The following STX3 variants were observed in gnomAD, a reference collection of about 807,000 sequenced individuals.
STX3 encodes the protein syntaxin 3, also known as syntaxin-3.
STX3 carries 19 observed loss-of-function variants against 40.2 expected under a neutral mutation model. The ratio of observed to expected loss-of-function variants is 0.47; its 90% CI spans 0.33 to 0.69. The LOEUF (loss-of-function observed/expected upper bound fraction) is 0.69. STX3 is among the 30% of genes least tolerant of loss of function. The probability of loss-of-function intolerance (pLI) is 0.02; values close to 1 mark genes in which losing one functional copy is unlikely to be tolerated. For missense variants in STX3, 364 were observed against 366.7 expected (o/e 0.99, Z 0.06); for synonymous variants, 122 against 132.2 (o/e 0.92, Z 0.53).
At chr11:59,774,426 G>A (rs1863839033) in intron 2 of STX3, among the ~76,000 whole-genome samples, 1 of 147,572 alleles carries the variant, frequency 6.8e-6, no homozygotes, top group Non-Finnish European at 1.5e-5. Flanking sequence ...GCAACAGAGT[G>A]AGACCTTGTC....
In STX3 at chr11:59,766,584, A is replaced by G. The variant is rs372482535; in HGVS notation, c.31-6627A>G. On this transcript the variant is annotated intron_variant, in intron 1 of 10. Transcript: ENST00000337979. ...GTTTCCTGGGTTTCCGCAAATCTGC[A>G]CTGGAAAGCCAAGCCCCTCCTTAAT... 7.9e-5 allele frequency among the ~76,000 whole-genome samples: 12 copies of G among 152,150 alleles called. No individual in the cohort carries two copies. In the East Asian group the frequency reaches 1.7e-3, roughly 22 times the overall value.
rs1258541584 is a variant in STX3 at position 59,805,467 on chromosome 11, C to A, written c.*4643C>A. The stretch of plus-strand genomic sequence containing the variant: ...ATATTTTGGTCAGTGCTGTTTTCTA[C>A]CCACCTTCAAAAGCCAATGGTTTGA... On this transcript the variant is annotated 3_prime_UTR_variant, in exon 11 of 11. Transcript: ENST00000337979. The A allele has an allele frequency of 6.6e-6, 1 of 152,158 alleles. No homozygotes were observed. Among genetic ancestry groups the A allele is most frequent in the Non-Finnish European group, 1.5e-5 (1 of 68,028 alleles). 9.4% of individuals were successfully genotyped at this position (152,158 alleles called of 1,614,324 possible).
At position 59,800,858 on chromosome 11, in the gene STX3, C is replaced by T; in HGVS notation, c.*34C>T. The T allele has an allele frequency of 6.5e-7, 1 of 1,536,424 alleles. No homozygotes were observed. The highest frequency in any genetic ancestry group is 8.7e-7 in the Non-Finnish European group (1 of 1,146,914). ...TCCTCCTTTCCCTGCCTCCTAGAAA[C>T]TGATTTCACTCCAGACTGGTGTGGC... On this transcript the variant is annotated 3_prime_UTR_variant, in exon 11 of 11. Transcript: ENST00000337979.
rs555639438 is a variant in STX3 at position 59,771,553 on chromosome 11, T to C, written c.31-1658T>C. Among the ~76,000 whole-genome samples, 9 of 152,184 alleles carry C rather than the reference T, an allele frequency of 5.9e-5. No individual in the cohort carries two copies. In the East Asian group the frequency reaches 1.7e-3, roughly 29 times the overall value. On this transcript the variant is annotated intron_variant, in intron 1 of 10. Coordinates refer to ENST00000337979, the MANE Select transcript of STX3 (RefSeq NM_004177.5). ...TTTTAACTTTTGCATGCGGGAGCCA[T>C]GCCCAGGTCAGGCATACAGAGGTTG...
At chr11:59,773,474 A>G (rs1285898328) in intron 2 of STX3, among the ~76,000 whole-genome samples, 180 bp downstream of exon 2, 1 of 152,210 alleles carries the variant, frequency 6.6e-6, no homozygotes, top group Non-Finnish European at 1.5e-5. Flanking sequence ...TTGAATCTGG[A>G]TTTTTAAAAA....
intron 1 of STX3, among the ~76,000 whole-genome samples, chr11:59,757,413 T>A (rs896536685): frequency 6.6e-6 from 1 of 152,180 alleles, no homozygotes; most frequent in African/African-American, 2.4e-5. Context: ...ATGGCCCCTT[T>A]CAGTAGCTCA....
In STX3 at chr11:59,801,639, A is replaced by T. The variant is rs528967690; in HGVS notation, c.*815A>T. ...AGACTATTGTCTTGGGGCCAAAAAT[A>T]ATCAGGGATTTTAAATTGGGCAAGG... On this transcript the variant is annotated 3_prime_UTR_variant, in exon 11 of 11. Coordinates refer to ENST00000337979, the MANE Select transcript of STX3 (RefSeq NM_004177.5). The T allele has an allele frequency of 1.0e-6, 1 of 985,684 alleles. No individual in the cohort carries two copies. Among genetic ancestry groups the T allele is most frequent in the Admixed American group, 6.1e-5 (1 of 16,282 alleles). 61.1% of individuals were successfully genotyped at this position (985,684 alleles called of 1,614,324 possible).
intron 2 of STX3, among the ~76,000 whole-genome samples, chr11:59,784,284 A>G (rs774596710): frequency 6.6e-6 from 1 of 152,240 alleles, no homozygotes; most frequent in Non-Finnish European, 1.5e-5. Context: ...GTTAAAATTT[A>G]AAATTTGATA....
intron 1 of STX3, 24 bp from the exon 2 acceptor site, chr11:59,773,187 T>C: frequency 1.2e-6 from 2 of 1,612,804 alleles, no homozygotes; most frequent in Non-Finnish European, 1.7e-6. Flanking sequence ...TTAGCCTCAC[T>C]CTGCTCTTTT....
At chr11:59,782,660 A>G (rs973794912) in intron 2 of STX3, among the ~76,000 whole-genome samples, 3 of 152,040 alleles carry the variant, frequency 2.0e-5, no homozygotes, top group African/African-American at 7.3e-5. Context: ...CTTAAATCCT[A>G]TATTATCTGG....
At chr11:59,794,113 A>G (rs1486627609) in intron 8 of STX3, among the ~76,000 whole-genome samples, 11 of 150,996 alleles carry the variant, frequency 7.3e-5, no homozygotes, top group Non-Finnish European at 1.6e-4. Flanking sequence ...TTTTTTTTTA[A>G]TTTTGGCACC....
chr11:59,790,435 G>A (rs994346734), intron 4 of STX3, 84 bp from the exon 5 acceptor site: 71 of 1,075,110 alleles, frequency 6.6e-5, no homozygotes, highest in Non-Finnish European at 9.6e-5. Context: ...TGGATGTGTG[G>A]GAATGAGTGA....
intron 2 of STX3, among the ~76,000 whole-genome samples, chr11:59,786,218 G>C (rs1350619080): frequency 6.7e-6 from 1 of 148,398 alleles, no homozygotes; most frequent in African/African-American, 2.5e-5. Context: ...TTCTCTCCTT[G>C]TTTTCTTTAT....
intron 1 of STX3, among the ~76,000 whole-genome samples, chr11:59,759,216 T>C (rs554109203): frequency 3.9e-5 from 6 of 152,352 alleles, no homozygotes; most frequent in African/African-American, 1.4e-4. Flanking sequence ...TGGGTTTTTC[T>C]ATTATTCTCA....
intron 10 of STX3, chr11:59,800,402 G>A (rs1407258604): frequency 1.0e-6 from 1 of 985,380 alleles, no homozygotes; most frequent in Non-Finnish European, 1.2e-6. Context: ...ATAAGGTGGA[G>A]CAGCCATAAT....
intron 9 of STX3, 29 bp from the exon 10 acceptor site, chr11:59,797,254 A>C (rs1865577843): frequency 6.3e-7 from 1 of 1,576,816 alleles, no homozygotes; most frequent in African/African-American, 1.4e-5. Flanking sequence ...TGTAATAATG[A>C]TTTGTTTTTG....
rs17511686 is a variant in STX3, at chr11:59,802,411, A to G, written c.*1587A>G. The G allele has an allele frequency of 0.043, 42,834 of 985,760 alleles. 1,008 individuals are homozygous for G. The highest frequency in any genetic ancestry group is 0.049 in the African/African-American group (2,792 of 57,336). 61.1% of individuals were successfully genotyped at this position (985,760 alleles called of 1,614,324 possible). A position where few individuals can be genotyped will look rare whatever the true frequency, so the allele number is the denominator to read the frequency against. ...TAGGGTAAGCACCCTTAATTCAGGC[A>G]CTGTCCATTAGCTTCCTTTGCAAAG... is the stretch of plus-strand genomic sequence containing the variant. On this transcript the variant is annotated 3_prime_UTR_variant, in exon 11 of 11. Transcript: ENST00000337979.
rs547232776 is a variant in STX3, at chr11:59,772,760, A to G, written c.31-451A>G. Among the ~76,000 whole-genome samples, 31 of 152,294 alleles carry G rather than the reference A, an allele frequency of 2.0e-4. 1 individual carries two copies. The highest frequency in any genetic ancestry group is 7.5e-4 in the African/African-American group (31 of 41,544). ...GTAGTGAGTTACAGTAACTACCACC[A>G]CAACCAACAGCAACAAAACCTAGCA... On this transcript the variant is annotated intron_variant, in intron 1 of 10. Transcript: ENST00000337979.
At chr11:59,787,569 A>G (rs1864856721) in intron 3 of STX3, among the ~76,000 whole-genome samples, 1 of 152,158 alleles carries the variant, frequency 6.6e-6, no homozygotes, top group Non-Finnish European at 1.5e-5. Flanking sequence ...GTTCACAGAA[A>G]TTCCTTCTAT....
Sources: gnomAD v4.1 joint callset for allele counts (sites outside exome capture counted in the v4.1 genomes callset) on GRCh38, gnomAD v4.1.1 for gene constraint, MANE v1.5 for transcripts, NCBI Gene and HGNC (gene_info 2026-07-23, HGNC 2026-07-21) for gene names.